Variants in TMTC2 observed in about 807,000 individuals in gnomAD.
TMTC2 encodes the protein transmembrane O-mannosyltransferase targeting cadherins 2.
In TMTC2, 43 loss-of-function variants were observed where a neutral mutation model predicts 82.4. The ratio of observed to expected loss-of-function variants is 0.52; its 90% CI spans 0.41 to 0.67. TMTC2 has a LOEUF of 0.67. Ranked by LOEUF, TMTC2 falls within the 30% of genes least tolerant of loss-of-function variation. TMTC2 has a pLI of 0.00. For synonymous variants in TMTC2, 408 were observed against 381.9 expected, an observed-to-expected ratio of 1.07 and a Z score of -0.80; for missense variants, 919 against 1,012.4, an observed-to-expected ratio of 0.91 and a Z score of 1.25.
chr12:82,994,939 C>A (rs1010265297), intron 8 of TMTC2, among the ~76,000 whole-genome samples: 1 of 151,302 alleles, frequency 6.6e-6, no homozygotes, highest in African/African-American at 2.4e-5. Context: ...CCACCCCCCG[C>A]CCCCCATTTT....
intron 4 of TMTC2, among the ~76,000 whole-genome samples, chr12:82,940,976 A>T (rs1876684654): frequency 6.6e-6 from 1 of 152,136 alleles, no homozygotes; most frequent in Non-Finnish European, 1.5e-5. Flanking sequence ...CCAAGTATTT[A>T]TGGTATTTGT....
intron 3 of TMTC2, among the ~76,000 whole-genome samples, chr12:82,929,335 G>A (rs1248117765): frequency 6.6e-6 from 1 of 152,030 alleles, no homozygotes; most frequent in African/African-American, 2.4e-5. Context: ...GCTAGTACAG[G>A]TGCAAGCCAT....
intron 3 of TMTC2, among the ~76,000 whole-genome samples, chr12:82,929,882 A>G (rs1875932678): frequency 6.6e-6 from 1 of 152,164 alleles, no homozygotes; most frequent in Non-Finnish European, 1.5e-5. Context: ...CAGGGAAGTG[A>G]GCTCATAAGC....
Position 82,896,489 on chromosome 12 carries a change from TTA to T in TMTC2, c.1328_1329del (p.Tyr443CysfsTer37). The T allele has an allele frequency of 6.2e-7, 1 of 1,614,204 alleles. No individual in the cohort carries two copies. Among genetic ancestry groups the T allele is most frequent in the African/African-American group, 1.3e-5 (1 of 75,058 alleles). Reference sequence around the variant, plus strand: ...TGATTACAGTGGGTGCTAGAGCCCTTTATGTCAAAGTCCAAAAGCGGTTCCTC... The same window carrying T: ...TGATTACAGTGGGTGCTAGAGCCCTTTGTCAAAGTCCAAAAGCGGTTCCTC... ...LLITVGARAL[Y>X]VKVQKRFLKS... On this transcript the variant is annotated frameshift_variant, in exon 3 of 12. Transcript: ENST00000321196. LOFTEE classifies it high-confidence loss of function.
In TMTC2 at chr12:83,097,919, T is replaced by A. The variant is rs541985515; in HGVS notation, c.2332-34291T>A. Among the ~76,000 whole-genome samples, 6 of 152,294 alleles carry A rather than the reference T, an allele frequency of 3.9e-5. No homozygotes were observed. In the South Asian group the frequency reaches 1.2e-3, roughly 32 times the overall value. On this transcript the variant is annotated intron_variant, in intron 11 of 11. Transcript: ENST00000321196. Reference sequence around the variant, plus strand: ...GAGAGAGAGAGGGAGGTGCAGGAGCTGAGGCTGGAGAGATTGGCAGTGGTA... The same window carrying A: ...GAGAGAGAGAGGGAGGTGCAGGAGCAGAGGCTGGAGAGATTGGCAGTGGTA...
intron 9 of TMTC2, among the ~76,000 whole-genome samples, chr12:83,036,320 C>T (rs1475047182): frequency 6.6e-6 from 1 of 151,990 alleles, no homozygotes; most frequent in Non-Finnish European, 1.5e-5. Context: ...TTAAAAAATC[C>T]ATCTTTCTTG....
chr12:82,830,778 T>C (rs541742218), intron 1 of TMTC2, among the ~76,000 whole-genome samples: 10 of 152,328 alleles, frequency 6.6e-5, no homozygotes, highest in Middle Eastern at 3.4e-3. Context: ...TACATAAATA[T>C]AGATAAATCT....
intron 8 of TMTC2, among the ~76,000 whole-genome samples, chr12:82,990,490 T>C (rs1269211788): frequency 6.6e-6 from 1 of 152,172 alleles, no homozygotes; most frequent in Non-Finnish European, 1.5e-5. Flanking sequence ...AATGTCCTTT[T>C]CCTCTCTTTG....
intron 2 of TMTC2, among the ~76,000 whole-genome samples, chr12:82,868,971 C>T (rs1872024917): frequency 6.6e-6 from 1 of 152,028 alleles, no homozygotes. Context: ...CTATTTTGGA[C>T]AACTTAATAA....
At chr12:83,056,657 TG>T (rs1882555703) in intron 10 of TMTC2, among the ~76,000 whole-genome samples, 1 of 151,960 alleles carries the variant, frequency 6.6e-6, no homozygotes, top group East Asian at 1.9e-4. Flanking sequence ...CAGCGCCCTC[TG>T]GACCATACAT....
intron 1 of TMTC2, among the ~76,000 whole-genome samples, chr12:82,801,495 C>T (rs570719650): frequency 5.9e-5 from 9 of 152,282 alleles, no homozygotes; most frequent in Admixed American, 1.3e-4. Flanking sequence ...CCACCCACAT[C>T]CTGCTGATTG....
rs78041028 is a variant in TMTC2, at chr12:82,751,635, G to A, written c.83+63966G>A. 6.8e-4 allele frequency among the ~76,000 whole-genome samples: 103 copies of A among 152,110 alleles called. 1 individual carries two copies. The East Asian group carries it at 0.018, about 27-fold the overall frequency. Reference sequence around the variant, plus strand: ...GTCACTTAATGGGAAAGGTTTTAAGGTTTACAATGGCTAATAAAGAAATCA... The same window carrying A: ...GTCACTTAATGGGAAAGGTTTTAAGATTTACAATGGCTAATAAAGAAATCA... On this transcript the variant is annotated intron_variant, in intron 1 of 11. Coordinates refer to ENST00000321196, the MANE Select transcript of TMTC2 (RefSeq NM_152588.3).
At chr12:83,083,331 C>T (rs932357987) in intron 11 of TMTC2, among the ~76,000 whole-genome samples, 1 of 152,120 alleles carries the variant, frequency 6.6e-6, no homozygotes, top group African/African-American at 2.4e-5. Context: ...TCTAAAATTG[C>T]CATGCTTTTT....
chr12:82,735,563 T>G (rs1297313467), intron 1 of TMTC2, among the ~76,000 whole-genome samples: 4 of 151,852 alleles, frequency 2.6e-5, no homozygotes, highest in Non-Finnish European at 4.4e-5. Flanking sequence ...GCCAGGATGG[T>G]CTCGATCTCC....
At chr12:82,834,579 G>A (rs1461386280) in intron 1 of TMTC2, among the ~76,000 whole-genome samples, 1 of 152,166 alleles carries the variant, frequency 6.6e-6, no homozygotes, top group Non-Finnish European at 1.5e-5. Flanking sequence ...GTTATTTAAA[G>A]ACATTTATCA....
chr12:83,045,195 G>T (rs571536656), intron 9 of TMTC2, among the ~76,000 whole-genome samples: 1 of 152,142 alleles, frequency 6.6e-6, no homozygotes, highest in Non-Finnish European at 1.5e-5. Flanking sequence ...TTTGTCTCTG[G>T]ATCTCTAGAG....
intron 1 of TMTC2, among the ~76,000 whole-genome samples, chr12:82,688,989 G>A (rs1023923087): frequency 6.6e-6 from 1 of 152,188 alleles, no homozygotes; most frequent in Non-Finnish European, 1.5e-5. Flanking sequence ...ATTTTATGTA[G>A]TGCCTACCAG....
At chr12:82,791,455 C>T (rs866570917) in intron 1 of TMTC2, among the ~76,000 whole-genome samples, 2 of 152,082 alleles carry the variant, frequency 1.3e-5, no homozygotes, top group Admixed American at 6.6e-5. Flanking sequence ...AGACCTACTA[C>T]TAACTAACAC....
chr12:82,715,786 T>A (rs1355493498), intron 1 of TMTC2, among the ~76,000 whole-genome samples: 1 of 152,176 alleles, frequency 6.6e-6, no homozygotes, highest in Admixed American at 6.5e-5. Flanking sequence ...CAGTTCAGCA[T>A]GTCAAAAAAC....
Sources: allele counts gnomAD v4.1 joint callset (sites outside exome capture counted in the v4.1 genomes callset), GRCh38; gene constraint gnomAD v4.1.1; transcripts MANE v1.5; gene names NCBI Gene and HGNC (gene_info 2026-07-23, HGNC 2026-07-21).